Variants in IGSF9 observed in about 807,000 individuals in gnomAD.
The protein encoded by IGSF9 is protein turtle homolog A.
A neutral mutation model predicts 121.7 loss-of-function variants in IGSF9; 87 were observed. The ratio of observed to expected loss-of-function variants is 0.71; its 90% CI spans 0.60 to 0.85. The LOEUF (loss-of-function observed/expected upper bound fraction) is 0.85. Among genes scored for constraint, IGSF9 ranks in the 40% least tolerant of loss-of-function variants. The pLI, the probability that IGSF9 is intolerant of heterozygous loss-of-function variation, is 0.00. For synonymous variants in IGSF9, 640 were observed against 648.4 expected, an observed-to-expected ratio of 0.99 and a Z score of 0.20; for missense variants, 1,462 against 1,565.3, an observed-to-expected ratio of 0.93 and a Z score of 1.11.
intron 3 of IGSF9, among the ~76,000 whole-genome samples, chr1:159,938,782 T>C (rs1435424199): frequency 6.6e-6 from 1 of 152,156 alleles, no homozygotes; most frequent in Non-Finnish European, 1.5e-5. Flanking sequence ...AGAAACAAAA[T>C]TGGGGTGGGG....
At chr1:159,938,945 G>A (rs1004462842) in intron 3 of IGSF9, among the ~76,000 whole-genome samples, 1 of 152,072 alleles carries the variant, frequency 6.6e-6, no homozygotes, top group Non-Finnish European at 1.5e-5. Flanking sequence ...CTGATCACAC[G>A]TCACCTTCCT....
At chr1:159,930,479 A>G (rs758105305) in intron 14 of IGSF9, 40 bp from the exon 15 acceptor site, 6 of 1,518,546 alleles carry the variant, frequency 4.0e-6, no homozygotes, top group Non-Finnish European at 5.3e-6. Flanking sequence ...AAGGATTCCC[A>G]GCGCCCCTCC....
At position 159,928,560 on chromosome 1, in the gene IGSF9, G is replaced by C. The variant is rs750580218; in HGVS notation, c.2828C>G (p.Pro943Arg). ...REMNVDGDWPPLEEPSPAAPP... is the reference protein window; with the variant it reads ...REMNVDGDWPRLEEPSPAAPP... ...TGCAGCAGGGCTGGGCTCCTCAAGCGGGGGCCAGTCCCCATCCACATTCAT... is the reference window on the plus strand; with the variant it reads ...TGCAGCAGGGCTGGGCTCCTCAAGCCGGGGCCAGTCCCCATCCACATTCAT... Residue 943 changes from proline (P) to arginine (R), a missense_variant, in exon 19 of 21, where the codon CCG becomes CGG. Coordinates refer to ENST00000368094, the MANE Select transcript of IGSF9 (RefSeq NM_001135050.2). The C allele has an allele frequency of 3.2e-6, 5 of 1,541,168 alleles. No individual in the cohort carries two copies. The South Asian group carries it at 6.3e-5, about 19-fold the overall frequency.
At chr1:159,937,944 C>G in intron 3 of IGSF9, 106 bp from the exon 4 acceptor site, 1 of 1,231,740 alleles carries the variant, frequency 8.1e-7, no homozygotes, top group Non-Finnish European at 1.1e-6. Flanking sequence ...TCAGTCTCTC[C>G]CAGTTACTCT....
At position 159,930,239 on chromosome 1, in the gene IGSF9, G is replaced by A. The variant is rs1467803516; in HGVS notation, c.2014C>T (p.Pro672Ser). Residue 672 changes from proline to serine, a missense_variant, in exon 15 of 21, where the codon CCG (proline) becomes TCG (serine). Physicochemically the swap from Pro to Ser is moderately conservative, Grantham distance 74 (BLOSUM62 -1). Around this residue, in one of 3 missense-constraint regions of IGSF9, gnomAD observed 808 missense variants for 815.2 expected, o/e 0.99. Transcript: ENST00000368094. The stretch of plus-strand genomic sequence containing the variant: ...TCTGTTTCTGTGCCTGCCACAGCCG[G>A]GTCCAGCACCTCCCAGCCCTGGGAG... ...QGSQGWEVLDPAVAGTETELL... is the reference protein window; with the variant it reads ...QGSQGWEVLDSAVAGTETELL... 1 of 1,613,344 alleles carries A rather than the reference G, an allele frequency of 6.2e-7. No individual in the cohort carries two copies. Among genetic ancestry groups the A allele is most frequent in the Non-Finnish European group, 8.5e-7 (1 of 1,179,780 alleles).
chr1:159,929,887 T>C lies in IGSF9; in HGVS notation c.2149+4A>G. 6.3e-7 allele frequency: 1 copy of C among 1,575,310 alleles called. No homozygotes were observed. The highest frequency in any genetic ancestry group is 8.6e-7 in the Non-Finnish European group (1 of 1,161,108). ...GGGGCTCCTCCCTCACGCCAGGTGC[T>C]CACCGGAAGTGGAGACGTTGGCCGT... On this transcript the variant is annotated splice_donor_region_variant and intron_variant, in intron 16 of 20. Coordinates refer to ENST00000368094, the MANE Select transcript of IGSF9 (RefSeq NM_001135050.2).
chr1:159,928,606 T>C lies in IGSF9; in HGVS notation c.2782A>G (p.Ser928Gly). The stretch of plus-strand genomic sequence containing the variant: ...TTCATCTCTCGGAAGAAGGGCAGGC[T>C]CAGGTACTGGAGCAGGGGTCCAGGA... ...PGPGPLLQYL[S>G]LPFFREMNVD... The change falls in exon 19 of 21, where the codon AGC becomes GGC. Residue 928 changes from serine to glycine, a missense_variant. Ser to Gly is a moderately conservative substitution (Grantham distance 56). Around this residue, in one of 3 missense-constraint regions of IGSF9, gnomAD observed 808 missense variants for 815.2 expected, o/e 0.99. Coordinates refer to ENST00000368094, the MANE Select transcript of IGSF9 (RefSeq NM_001135050.2). The C allele has an allele frequency of 1.3e-6, 2 of 1,500,658 alleles. No individual in the cohort carries two copies. The highest frequency in any genetic ancestry group is 1.8e-6 in the Non-Finnish European group (2 of 1,123,336). 93.0% of individuals were successfully genotyped at this position (1,500,658 alleles called of 1,614,324 possible).
Position 159,942,967 on chromosome 1 carries a change from G to A in IGSF9, c.243C>T (p.Tyr81=), listed in dbSNP as rs141267313. 8.3e-5 allele frequency: 134 copies of A among 1,612,450 alleles called. No individual in the cohort carries two copies. Among genetic ancestry groups the A allele is most frequent in the East Asian group, 3.6e-4 (16 of 44,764 alleles). The change falls in exon 3 of 21, where the codon TAC becomes TAT. Residue 81 remains tyrosine (Y), a synonymous_variant. Transcript: ENST00000368094. ...CCACCTGAGGAGAACTCTTACCCAC[G>A]TAATCAGGGTCAATTCGGGGAGAGT... ...GLYSPRIDPD[Y]VGRVRLQKGA... is the part of the protein sequence containing the mutation.
intron 1 of IGSF9, 77 bp from the exon 2 acceptor site, chr1:159,943,705 G>T (rs1651488114): frequency 5.0e-6 from 2 of 398,114 alleles, no homozygotes; most frequent in East Asian, 7.4e-5. Context: ...TTAGAGAAAG[G>T]CACTGGGAAG....
chr1:159,936,006 T>G (rs1651169049), intron 6 of IGSF9, among the ~76,000 whole-genome samples: 1 of 152,214 alleles, frequency 6.6e-6, no homozygotes, highest in Admixed American at 6.5e-5. Context: ...AGGAAGGATC[T>G]TGGCCAGGAA....
In IGSF9 at chr1:159,931,051, A is replaced by C. The variant is rs1650978004; in HGVS notation, c.1637+87T>G. The C allele has an allele frequency of 6.3e-7, 1 of 1,581,830 alleles. No homozygotes were observed. The highest frequency in any genetic ancestry group is 1.7e-5 in the Admixed American group (1 of 58,172). ...GACTGGTGAGGGATAGAGGGACAGA[A>C]GAAAGGGCAGAAGGCCAGATAGGTT... On this transcript the variant is annotated intron_variant, in intron 13 of 20. Transcript: ENST00000368094. This position sits in a 1 kb window ranked among gnomAD's most constrained non-coding sequence, Gnocchi z 4.8.
At chr1:159,930,117 G>C in intron 15 of IGSF9, 72 bp downstream of exon 15, 6 of 1,552,364 alleles carry the variant, frequency 3.9e-6, no homozygotes, top group Non-Finnish European at 4.4e-6. Flanking sequence ...TGAGAAGATA[G>C]AGTTTGGGGA....
rs769294383 is a variant in IGSF9 at position 159,936,877 on chromosome 1, A to T, written c.432T>A (p.Ala144=). The T allele has an allele frequency of 3.7e-6, 6 of 1,614,070 alleles. No individual in the cohort carries two copies. The African/African-American group carries it at 8.0e-5, about 22-fold the overall frequency. The change falls in exon 5 of 21, where the codon GCT becomes GCA. Residue 144 remains alanine, a synonymous_variant. Transcript: ENST00000368094. ...SPPQFQETPP[A]VLEVQELEPV... ...GCTCCAGTTCCTGCACTTCCAACAC[A>T]GCAGGAGGTGTCTCCTGGAATTGAG...
Position 159,943,385 on chromosome 1 carries a change from A to G in IGSF9, c.58+12T>C. On this transcript the variant is annotated intron_variant, in intron 2 of 20. Transcript: ENST00000368094. Reference sequence around the variant, plus strand: ...CTAACAGGGCATTCTTGAGCCCAAGAGCTCAGCTTACCGTCAGCCCCCTGG... The same window carrying G: ...CTAACAGGGCATTCTTGAGCCCAAGGGCTCAGCTTACCGTCAGCCCCCTGG... 1 of 1,573,448 alleles carries G rather than the reference A, an allele frequency of 6.4e-7. No homozygotes were observed. The highest frequency in any genetic ancestry group is 1.2e-5 in the South Asian group (1 of 85,012).
intron 3 of IGSF9, among the ~76,000 whole-genome samples, chr1:159,941,995 G>C (rs192006134): frequency 1.3e-5 from 2 of 152,222 alleles, no homozygotes; most frequent in South Asian, 2.1e-4. Context: ...AGCCAATCCC[G>C]GGGTTTCCCT....
chr1:159,930,520 T>C (rs1260596476), intron 14 of IGSF9, 81 bp from the exon 15 acceptor site: 9 of 1,518,558 alleles, frequency 5.9e-6, no homozygotes, highest in African/African-American at 1.4e-5. Context: ...AGTGCCCAAC[T>C]CTTCTCCCAG....
In IGSF9 at chr1:159,927,279, G is replaced by A; in HGVS notation, c.*66C>T. 6.3e-7 allele frequency: 1 copy of A among 1,590,124 alleles called. No homozygotes were observed. Among genetic ancestry groups the A allele is most frequent in the African/African-American group, 1.3e-5 (1 of 74,380 alleles). On this transcript the variant is annotated 3_prime_UTR_variant, in exon 21 of 21. Coordinates refer to ENST00000368094, the MANE Select transcript of IGSF9 (RefSeq NM_001135050.2). ...GGGCAGTGCCCTCGTTTGAAACTAG[G>A]TCTGTCTGGTTGGGGGCCTCCTTTG... is the stretch of plus-strand genomic sequence containing the variant.
intron 6 of IGSF9, among the ~76,000 whole-genome samples, chr1:159,936,173 A>G (rs551544389): frequency 3.5e-4 from 53 of 152,328 alleles, no homozygotes; most frequent in African/African-American, 1.2e-3. Context: ...CCTTTCCACT[A>G]TAACACACTA....
In IGSF9 at chr1:159,928,858, G is replaced by A. The variant is rs778492413; in HGVS notation, c.2530C>T (p.Pro844Ser). 2 of 1,576,948 alleles carry A rather than the reference G, an allele frequency of 1.3e-6. No individual in the cohort carries two copies. The highest frequency in any genetic ancestry group is 1.7e-6 in the Non-Finnish European group (2 of 1,163,794). The change falls in exon 19 of 21, where the codon CCC becomes TCC. Residue 844 changes from proline (P) to serine (S), a missense_variant. Pro to Ser is a moderately conservative substitution (Grantham distance 74). Coordinates refer to ENST00000368094, the MANE Select transcript of IGSF9 (RefSeq NM_001135050.2). Reference protein sequence around the residue: ...PSSRGPLPLEPICRGPDGRFV... With the variant: ...PSSRGPLPLESICRGPDGRFV... ...CGCCCGTCTGGGCCCCGGCAAATGG[G>A]CTCCAGAGGTAAGGGTCCCCGGCTA... is the stretch of plus-strand genomic sequence containing the variant.
Sources: gnomAD v4.1 joint callset for allele counts (sites outside exome capture counted in the v4.1 genomes callset) on GRCh38, gnomAD v4.1.1 for gene constraint, gnomAD v4.1.1 regional missense constraint, Gnocchi (gnomAD v3.1) non-coding constraint, MANE v1.5 for transcripts, NCBI Gene and HGNC (gene_info 2026-07-23, HGNC 2026-07-21) for gene names.